Variants in OSBPL3 observed in about 807,000 individuals in gnomAD.
The protein encoded by OSBPL3 is oxysterol binding protein like 3, also known as oxysterol-binding protein-related protein 3.
Under a neutral mutation model 120.1 loss-of-function variants are expected in OSBPL3, and 65 were observed. The observed-to-expected ratio is 0.54, with a 90% CI of 0.44 to 0.67. OSBPL3 has a LOEUF of 0.67. OSBPL3 is among the 30% of genes least tolerant of loss of function. The probability of loss-of-function intolerance (pLI) is 0.00; values close to 1 mark genes in which losing one functional copy is unlikely to be tolerated. For missense variants in OSBPL3, 1,004 were observed against 1,082.1 expected, an observed-to-expected ratio of 0.93 and a Z score of 1.01; for synonymous variants, 416 against 402.6, an observed-to-expected ratio of 1.03 and a Z score of -0.40.
intron 16 of OSBPL3, among the ~76,000 whole-genome samples, chr7:24,826,682 T>A (rs1194311892): frequency 6.6e-6 from 1 of 152,160 alleles, no homozygotes; most frequent in Non-Finnish European, 1.5e-5. Context: ...AGCGCCGTTT[T>A]GGAGATCAAG....
rs563350863 is a variant in OSBPL3 at position 24,936,336 on chromosome 7, T to C, written c.-150+43550A>G. Among the ~76,000 whole-genome samples, 7 of 152,336 alleles carry C rather than the reference T, an allele frequency of 4.6e-5. No individual in the cohort carries two copies. Among genetic ancestry groups the C allele is most frequent in the African/African-American group, 1.4e-4 (6 of 41,572 alleles). On this transcript the variant is annotated intron_variant, in intron 1 of 22. Coordinates refer to ENST00000313367, the MANE Select transcript of OSBPL3 (RefSeq NM_015550.4). The surrounding 1 kb of genome is among the most constrained non-coding windows in gnomAD (Gnocchi z 4.2). ...CAAACATGAATACGTTCTTTCAATATAACCTTTAATGACCACAGACTATGT... is the reference window on the plus strand; with the variant it reads ...CAAACATGAATACGTTCTTTCAATACAACCTTTAATGACCACAGACTATGT...
chr7:24,866,724 G>C (rs975909749), intron 5 of OSBPL3, among the ~76,000 whole-genome samples: 2 of 152,160 alleles, frequency 1.3e-5, no homozygotes, highest in African/African-American at 4.8e-5. Context: ...TGGTCTATGG[G>C]AACAAGTTTG....
chr7:24,910,826 A>G (rs1254137675), intron 1 of OSBPL3, among the ~76,000 whole-genome samples: 2 of 152,236 alleles, frequency 1.3e-5, no homozygotes, highest in African/African-American at 4.8e-5. Context: ...AGAGAGAAGC[A>G]TGGAGGACAA....
Position 24,870,832 on chromosome 7 carries a change from TTCTC to T in OSBPL3, c.277_280del (p.Glu93SerfsTer12), listed in dbSNP as rs760668536. Reference sequence around the variant, plus strand: ...CCCGACATCAATGCAGCCATGCAGCTTCTCTCTCTCTATCTGCAGAGGCACCAAG... The same window carrying T: ...CCCGACATCAATGCAGCCATGCAGCTTCTCTCTATCTGCAGAGGCACCAAG... On this transcript the variant is annotated frameshift_variant, in exon 5 of 23. Transcript: ENST00000313367. LOFTEE classifies it high-confidence loss of function. 6.2e-6 allele frequency: 10 copies of T among 1,612,172 alleles called. No individual in the cohort carries two copies. Among genetic ancestry groups the T allele is most frequent in the South Asian group, 1.1e-5 (1 of 91,062 alleles).
chr7:24,914,324 A>G (rs993152469), intron 1 of OSBPL3, among the ~76,000 whole-genome samples: 22 of 152,000 alleles, frequency 1.4e-4, no homozygotes, highest in East Asian at 5.9e-4. Context: ...TCTACTAGCC[A>G]GTAGAACTTG....
rs886792961 is a variant in OSBPL3, at chr7:24,940,626, G to A, written c.-150+39260C>T. 1.2e-4 allele frequency among the ~76,000 whole-genome samples: 19 copies of A among 152,018 alleles called. No individual in the cohort carries two copies. The highest frequency in any genetic ancestry group is 3.3e-4 in the Admixed American group (5 of 15,260). On this transcript the variant is annotated intron_variant, in intron 1 of 22. Transcript: ENST00000313367. This position sits in a 1 kb window ranked among gnomAD's most constrained non-coding sequence, Gnocchi z 4.4. ...CCAGTGTTTGGCCACTGGAGCGGGC[G>A]GCTGAGGTGGTATGGGAGGTACCTA... is the stretch of plus-strand genomic sequence containing the variant.
At chr7:24,845,898 C>A (rs927873962) in intron 12 of OSBPL3, among the ~76,000 whole-genome samples, 6 of 152,100 alleles carry the variant, frequency 3.9e-5, no homozygotes, top group Admixed American at 1.3e-4. Context: ...TGCCTATAAT[C>A]CCAGCTACTT....
intron 1 of OSBPL3, among the ~76,000 whole-genome samples, chr7:24,951,674 A>G (rs1410025418): frequency 6.6e-6 from 1 of 152,246 alleles, no homozygotes; most frequent in East Asian, 1.9e-4. Context: ...CTTTGAGCTT[A>G]AAACAAGAAA....
intron 22 of OSBPL3, 35 bp from the exon 23 acceptor site, chr7:24,800,314 G>A: frequency 8.0e-7 from 1 of 1,245,932 alleles, no homozygotes. Context: ...GCAGACTCTT[G>A]AAACCAGCGT....
intron 2 of OSBPL3, among the ~76,000 whole-genome samples, chr7:24,878,540 C>T (rs1314325525): frequency 2.6e-5 from 4 of 152,156 alleles, no homozygotes; most frequent in African/African-American, 7.2e-5. Flanking sequence ...TGAACACTGA[C>T]AATACTTGTC....
rs1054117696 is a variant in OSBPL3 at position 24,968,995 on chromosome 7, T to C, written c.-150+10891A>G. Reference sequence around the variant, plus strand: ...TATATATCATTTTGTGAATTTTGCATATCTGTAGGATAAAGTTCTTAGGAC... The same window carrying C: ...TATATATCATTTTGTGAATTTTGCACATCTGTAGGATAAAGTTCTTAGGAC... On this transcript the variant is annotated intron_variant, in intron 1 of 22. Coordinates refer to ENST00000313367, the MANE Select transcript of OSBPL3 (RefSeq NM_015550.4). The surrounding 1 kb of genome is among the most constrained non-coding windows in gnomAD (Gnocchi z 4.6). Among the ~76,000 whole-genome samples, 1 of 152,224 alleles carries C rather than the reference T, an allele frequency of 6.6e-6. No homozygotes were observed. The highest frequency in any genetic ancestry group is 1.5e-5 in the Non-Finnish European group (1 of 68,032).
chr7:24,874,381 T>G (rs980683189), intron 2 of OSBPL3, among the ~76,000 whole-genome samples: 1 of 152,222 alleles, frequency 6.6e-6, no homozygotes. Flanking sequence ...TAATACTAAA[T>G]AATCATACAC....
intron 1 of OSBPL3, among the ~76,000 whole-genome samples, chr7:24,945,110 T>C (rs988906052): frequency 1.3e-5 from 2 of 152,188 alleles, no homozygotes; most frequent in African/African-American, 4.8e-5. Flanking sequence ...TTAAGTAATA[T>C]TATCACTTGA....
At chr7:24,829,404 A>G (rs889130242) in intron 16 of OSBPL3, among the ~76,000 whole-genome samples, 1 of 152,180 alleles carries the variant, frequency 6.6e-6, no homozygotes, top group Non-Finnish European at 1.5e-5. Context: ...GCTTTGGGTT[A>G]CTGTATATTC....
intron 1 of OSBPL3, among the ~76,000 whole-genome samples, chr7:24,893,698 G>A (rs1031637049): frequency 5.7e-5 from 8 of 141,138 alleles, no homozygotes; most frequent in African/African-American, 2.1e-4. Flanking sequence ...TGTAATCCCA[G>A]CTACTCAAGA....
Position 24,797,177 on chromosome 7 carries a change from ACAAGATCACTCATG to A in OSBPL3, c.*2992_*3005del. The A allele has an allele frequency of 6.6e-6, 1 of 152,384 alleles. No homozygotes were observed. The highest frequency in any genetic ancestry group is 2.1e-4 in the South Asian group (1 of 4,830). 9.4% of individuals were successfully genotyped at this position (152,384 alleles called of 1,614,324 possible). ...TAGGCTTGACATCTTTAACAGTAGA[ACAAGATCACTCATG>A]ATAAATCTGGAAGATGCAGATGGAA... On this transcript the variant is annotated 3_prime_UTR_variant, in exon 23 of 23. Transcript: ENST00000313367. The surrounding 1 kb of genome is among the most constrained non-coding windows in gnomAD (Gnocchi z 4.8).
intron 1 of OSBPL3, among the ~76,000 whole-genome samples, chr7:24,909,854 G>A (rs911845342): frequency 4.3e-5 from 6 of 138,062 alleles, no homozygotes; most frequent in Admixed American, 2.4e-4. Context: ...GCGCAGTGGC[G>A]TGATCTCAGC....
rs557995058 is a variant in OSBPL3, at chr7:24,896,754, A to G, written c.-149-4133T>C. On this transcript the variant is annotated intron_variant, in intron 1 of 22. Transcript: ENST00000313367. This position sits in a 1 kb window ranked among gnomAD's most constrained non-coding sequence, Gnocchi z 4.4. ...ATATTTTTTCCTGTATAAAATGGGG[A>G]ATAATAATAGCCACCCCAGAAAATT... Among the ~76,000 whole-genome samples, 21 of 152,284 alleles carry G rather than the reference A, an allele frequency of 1.4e-4. 1 individual carries two copies. In the South Asian group the frequency reaches 4.1e-3, roughly 30 times the overall value.
In OSBPL3 at chr7:24,815,671, G is replaced by GTATTAATAAT. The variant is rs978707734; in HGVS notation, c.2028-478_2028-469dup. 1.4e-4 allele frequency among the ~76,000 whole-genome samples: 21 copies of GTATTAATAAT among 152,190 alleles called. No homozygotes were observed. The highest frequency in any genetic ancestry group is 4.8e-4 in the African/African-American group (20 of 41,446). On this transcript the variant is annotated intron_variant, in intron 18 of 22. Coordinates refer to ENST00000313367, the MANE Select transcript of OSBPL3 (RefSeq NM_015550.4). This position sits in a 1 kb window ranked among gnomAD's most constrained non-coding sequence, Gnocchi z 5.1. Reference sequence around the variant, plus strand: ...GAATTCAATAATTACGAGGAAAATGGTATTAATAATAAGACCAGATACTTA... The same window carrying GTATTAATAAT: ...GAATTCAATAATTACGAGGAAAATGGTATTAATAATTATTAATAATAAGACCAGATACTTA...
Sources: gnomAD v4.1 joint callset for allele counts (sites outside exome capture counted in the v4.1 genomes callset) on GRCh38, gnomAD v4.1.1 for gene constraint, Gnocchi (gnomAD v3.1) non-coding constraint, MANE v1.5 for transcripts, NCBI Gene and HGNC (gene_info 2026-07-23, HGNC 2026-07-21) for gene names.